MARCO: variants seen among roughly 807,000 people sequenced by gnomAD.
The protein encoded by MARCO is macrophage receptor with collagenous structure, also known as macrophage receptor MARCO.
In MARCO, 72 loss-of-function variants were observed where a neutral mutation model predicts 70.0. The ratio of observed to expected loss-of-function variants is 1.03; its 90% confidence interval spans 0.85 to 1.25. The LOEUF (loss-of-function observed/expected upper bound fraction) is 1.25. Among genes scored for constraint, MARCO ranks in the 50% most tolerant of loss-of-function variants. The pLI is 0.00. For synonymous variants in MARCO, 273 were observed against 243.1 expected (o/e 1.12, Z -1.14); for missense variants, 696 against 659.3 (o/e 1.06, Z -0.61).
chr2:118,976,783 A>C (rs1345763490), intron 6 of MARCO, among the ~76,000 whole-genome samples: 1 of 152,074 alleles, frequency 6.6e-6, no homozygotes, highest in Admixed American at 6.6e-5. Flanking sequence ...ATTCAAACAC[A>C]CTTGCCTGAC....
intron 3 of MARCO, among the ~76,000 whole-genome samples, chr2:118,970,845 T>C (rs893992143): frequency 6.6e-6 from 1 of 152,174 alleles, no homozygotes; most frequent in Non-Finnish European, 1.5e-5. Flanking sequence ...CCTCAGACAG[T>C]TTCAGCAAAA....
intron 12 of MARCO, among the ~76,000 whole-genome samples, chr2:118,982,700 G>A (rs1398706031): frequency 6.6e-6 from 1 of 152,154 alleles, no homozygotes; most frequent in Non-Finnish European, 1.5e-5. Context: ...TCCCTGGTCT[G>A]CCTCCCAGCT....
chr2:118,971,438 T>C lies in MARCO; in HGVS notation c.425-61T>C, dbSNP rs111257927. The C allele has an allele frequency of 2.5e-3, 3,859 of 1,554,506 alleles. 10 individuals carry two copies. The highest frequency in any genetic ancestry group is 3.1e-3 in the Non-Finnish European group (3,468 of 1,125,984). ...CACTGCAGAACCTGGGCACTCTCAGTTGGGGCTTGGGCCAAGGGTACCCCA... is the reference window on the plus strand; with the variant it reads ...CACTGCAGAACCTGGGCACTCTCAGCTGGGGCTTGGGCCAAGGGTACCCCA... On this transcript the variant is annotated intron_variant, in intron 3 of 16. Transcript: ENST00000327097.
chr2:118,950,714 C>A (rs114063093), intron 1 of MARCO, among the ~76,000 whole-genome samples: 1 of 152,158 alleles, frequency 6.6e-6, no homozygotes, highest in African/African-American at 2.4e-5. Context: ...TTGCTAACAT[C>A]GCTTTCTTTA....
intron 12 of MARCO, among the ~76,000 whole-genome samples, chr2:118,986,576 G>GGGAGGGAAGGAAGGAAGGAA (rs1558671319): frequency 1.4e-5 from 1 of 70,250 alleles, no homozygotes; most frequent in African/African-American, 9.9e-5. Context: ...GAGGGAGGGA[G>GGGAGGGAAGGAAGGAAGGAA]GGAAGGAAAG....
At chr2:118,955,049 G>GA (rs34589569) in intron 1 of MARCO, among the ~76,000 whole-genome samples, 1,930 of 141,520 alleles carry the variant, frequency 0.014, 14 homozygotes, top group Non-Finnish European at 0.022. Context: ...GCCAAAAATA[G>GA]AAAAAAAAAA....
chr2:118,989,268 G>A (rs1331203809), intron 12 of MARCO, among the ~76,000 whole-genome samples: 3 of 152,218 alleles, frequency 2.0e-5, no homozygotes, highest in Non-Finnish European at 4.4e-5. Flanking sequence ...AAATGGCCCT[G>A]TGTAAGCTGG....
At chr2:118,947,559 A>G (rs1679626139) in intron 1 of MARCO, among the ~76,000 whole-genome samples, 1 of 152,212 alleles carries the variant, frequency 6.6e-6, no homozygotes, top group Admixed American at 6.5e-5. Flanking sequence ...GACCATGGAT[A>G]CATAGTCATT....
chr2:118,955,388 A>T (rs1480404446), intron 1 of MARCO, among the ~76,000 whole-genome samples: 1 of 152,132 alleles, frequency 6.6e-6, no homozygotes, highest in East Asian at 1.9e-4. Context: ...GAATTAACCC[A>T]ATCCAACAAA....
intron 4 of MARCO, among the ~76,000 whole-genome samples, chr2:118,972,122 C>T (rs1346677719): frequency 6.6e-6 from 1 of 152,186 alleles, no homozygotes; most frequent in African/African-American, 2.4e-5. Context: ...ATAATCGACT[C>T]GCCTCACAGA....
Position 118,994,463 on chromosome 2 carries a change from C to G in MARCO, c.1506C>G (p.Ser502Arg). 1 of 1,613,570 alleles carries G rather than the reference C, an allele frequency of 6.2e-7. No individual in the cohort carries two copies. Among genetic ancestry groups the G allele is most frequent in the Non-Finnish European group, 8.5e-7 (1 of 1,179,726 alleles). Reference sequence around the variant, plus strand: ...CCCTGTGGAGCTGCACCAAGAATAGCTGGGGCCATCATGACTGCAGCCACG... The same window carrying G: ...CCCTGTGGAGCTGCACCAAGAATAGGTGGGGCCATCATGACTGCAGCCACG... ...ESTLWSCTKN[S>R]WGHHDCSHEE... The change falls in exon 17 of 17, where the codon AGC (serine) becomes AGG (arginine). Residue 502 changes from serine to arginine, a missense_variant. Transcript: ENST00000327097.
intron 1 of MARCO, among the ~76,000 whole-genome samples, chr2:118,947,861 C>T (rs375222555): frequency 2.0e-5 from 3 of 152,118 alleles, no homozygotes; most frequent in South Asian, 2.1e-4. Flanking sequence ...AGCTTGTCTA[C>T]GGTTACAAAA....
At chr2:118,943,117 C>T (rs1489457250) in intron 1 of MARCO, among the ~76,000 whole-genome samples, 1 of 152,150 alleles carries the variant, frequency 6.6e-6, no homozygotes, top group Non-Finnish European at 1.5e-5. Context: ...GTTGATCAGT[C>T]ATTTCCACTC....
chr2:118,982,185 C>A lies in MARCO; in HGVS notation c.931C>A (p.Pro311Thr), dbSNP rs372189225. ...GQPGLQGVPG[P>T]PGAVGHPGAK... ...ACCTGGACTGCAGGGTGTTCCGGGC[C>A]CTCCTGGTGCAGTGGGACACCCAGG... is the stretch of plus-strand genomic sequence containing the variant. The change falls in exon 11 of 17, where the codon CCT becomes ACT. Residue 311 changes from proline to threonine, a missense_variant. By Grantham distance (38) the Pro-to-Thr change is conservative. Around this residue, in one of 3 missense-constraint regions of MARCO, gnomAD observed 605 missense variants for 537.6 expected, o/e 1.13. Coordinates refer to ENST00000327097, the MANE Select transcript of MARCO (RefSeq NM_006770.4). The A allele has an allele frequency of 6.2e-7, 1 of 1,612,922 alleles. No homozygotes were observed. Among genetic ancestry groups the A allele is most frequent in the Non-Finnish European group, 8.5e-7 (1 of 1,179,182 alleles).
At chr2:118,966,785 A>G (rs556895437) in intron 1 of MARCO, among the ~76,000 whole-genome samples, 2 of 152,168 alleles carry the variant, frequency 1.3e-5, no homozygotes, top group African/African-American at 4.8e-5. Flanking sequence ...TGTTTGTTTC[A>G]TAAAATTTAG....
chr2:118,994,316 C>T (rs1452117514), intron 16 of MARCO, 71 bp from the exon 17 acceptor site: 1 of 1,566,072 alleles, frequency 6.4e-7, no homozygotes, highest in Non-Finnish European at 8.8e-7. Flanking sequence ...CTCCCAGGCG[C>T]ACACGTGGCT....
chr2:118,949,962 G>T (rs1679687875), intron 1 of MARCO: 3 of 152,180 alleles, frequency 2.0e-5, no homozygotes, highest in African/African-American at 7.2e-5. Context: ...GATAAACCAA[G>T]TATATAATTT....
chr2:118,943,844 G>A (rs1212536861), intron 1 of MARCO, among the ~76,000 whole-genome samples: 1 of 152,234 alleles, frequency 6.6e-6, no homozygotes, highest in Non-Finnish European at 1.5e-5. Context: ...CCTGAGGTCA[G>A]TGGGGAAGCA....
intron 2 of MARCO, among the ~76,000 whole-genome samples, chr2:118,969,771 C>A (rs1466130818): frequency 1.3e-5 from 2 of 152,186 alleles, no homozygotes; most frequent in African/African-American, 4.8e-5. Flanking sequence ...ATGCTGCTTG[C>A]ACATATTTAG....
Sources: gnomAD v4.1 joint callset for allele counts (sites outside exome capture counted in the v4.1 genomes callset) on GRCh38, gnomAD v4.1.1 for gene constraint, gnomAD v4.1.1 regional missense constraint, MANE v1.5 for transcripts, NCBI Gene and HGNC (gene_info 2026-07-23, HGNC 2026-07-21) for gene names.